The following GPM6A variants were observed in gnomAD, a reference collection of about 807,000 sequenced individuals.
GPM6A encodes the protein glycoprotein M6A.
Under a neutral mutation model 32.1 loss-of-function variants are expected in GPM6A, and 7 were observed. The observed-to-expected ratio is 0.22, with a 90% CI of 0.12 to 0.41. The LOEUF is 0.41. Among genes scored for constraint, GPM6A ranks in the 10% least tolerant of loss-of-function variants. The probability of loss-of-function intolerance (pLI) is 1.00; values close to 1 mark genes in which losing one functional copy is unlikely to be tolerated. For missense variants in GPM6A, 235 were observed against 347.2 expected, an observed-to-expected ratio of 0.68 and a Z score of 2.57; for synonymous variants, 130 against 123.4, an observed-to-expected ratio of 1.05 and a Z score of -0.35.
At chr4:175,946,080 A>G (rs1361207275) in intron 1 of GPM6A, among the ~76,000 whole-genome samples, 1 of 152,184 alleles carries the variant, frequency 6.6e-6, no homozygotes, top group Non-Finnish European at 1.5e-5. Context: ...CTTCACCACT[A>G]TGCAGTATAT....
intron 3 of GPM6A, among the ~76,000 whole-genome samples, chr4:175,657,255 T>C (rs1579349512): frequency 6.6e-6 from 1 of 152,334 alleles, no homozygotes; most frequent in South Asian, 2.1e-4. Flanking sequence ...TTAATAATCC[T>C]GTGATTTTAA....
chr4:175,648,333 A>T (rs1741591853), intron 4 of GPM6A, among the ~76,000 whole-genome samples: 1 of 152,130 alleles, frequency 6.6e-6, no homozygotes. Flanking sequence ...TTAACTCCGG[A>T]ACTTGTACCT....
chr4:175,761,930 G>A lies in GPM6A; in HGVS notation c.37+50261C>T, dbSNP rs563550877. Among the ~76,000 whole-genome samples, 12 of 151,964 alleles carry A rather than the reference G, an allele frequency of 7.9e-5. No individual in the cohort carries two copies. In the East Asian group the frequency reaches 1.6e-3, roughly 20 times the overall value. ...CTGCCTCAGCCTTCCAAGTAGTTAC[G>A]ATTACAGGCATGCACCACCAAACCT... is the stretch of plus-strand genomic sequence containing the variant. On this transcript the variant is annotated intron_variant, in intron 1 of 6. Transcript: ENST00000393658.
At chr4:175,955,224 C>G (rs1469500758) in intron 1 of GPM6A, among the ~76,000 whole-genome samples, 1 of 152,230 alleles carries the variant, frequency 6.6e-6, no homozygotes, top group East Asian at 1.9e-4. Context: ...CCACATACCA[C>G]ACCTGTTACT....
intron 1 of GPM6A, among the ~76,000 whole-genome samples, chr4:175,858,463 A>C (rs1425174704): frequency 6.6e-6 from 1 of 151,142 alleles, no homozygotes; most frequent in African/African-American, 2.4e-5. Flanking sequence ...ACCCAGGAGG[A>C]GGAGGTTGCA....
At chr4:175,724,601 G>T (rs1020122965) in intron 1 of GPM6A, among the ~76,000 whole-genome samples, 22 of 151,992 alleles carry the variant, frequency 1.4e-4, no homozygotes, top group Non-Finnish European at 2.5e-4. Flanking sequence ...ACTTACAGAC[G>T]CTGGGGGTGG....
intron 1 of GPM6A, among the ~76,000 whole-genome samples, chr4:175,878,741 T>C (rs1445551209): frequency 6.6e-6 from 1 of 152,166 alleles, no homozygotes; most frequent in Non-Finnish European, 1.5e-5. Context: ...AACATTTGTC[T>C]CCTCATTACT....
intron 2 of GPM6A, among the ~76,000 whole-genome samples, chr4:175,679,081 T>C (rs1345054531): frequency 2.0e-5 from 3 of 152,148 alleles, no homozygotes; most frequent in Non-Finnish European, 1.5e-5. Flanking sequence ...ATGATGAACT[T>C]TGTGGGATTT....
At chr4:175,999,916 A>G (rs59997249) in intron 1 of GPM6A, among the ~76,000 whole-genome samples, 3,766 of 152,254 alleles carry the variant, frequency 0.025, 145 homozygotes, top group African/African-American at 0.084. Context: ...TTTATTTTTC[A>G]TAAGTAAATT....
intron 4 of GPM6A, among the ~76,000 whole-genome samples, chr4:175,643,296 T>C (rs1741263034): frequency 6.6e-6 from 1 of 152,182 alleles, no homozygotes; most frequent in Non-Finnish European, 1.5e-5. Flanking sequence ...AATGACTCTC[T>C]ACTCCCCTCA....
chr4:175,757,285 G>A (rs1366388203), intron 1 of GPM6A, among the ~76,000 whole-genome samples: 2 of 152,000 alleles, frequency 1.3e-5, no homozygotes, highest in Non-Finnish European at 2.9e-5. Flanking sequence ...CACCAGCCAT[G>A]AGCAGGTGAA....
chr4:175,797,839 G>T (rs1157398976), intron 1 of GPM6A, among the ~76,000 whole-genome samples: 1 of 152,032 alleles, frequency 6.6e-6, no homozygotes, highest in Non-Finnish European at 1.5e-5. Flanking sequence ...CAAATTTTGG[G>T]ATTTCAAATC....
chr4:175,755,177 G>C (rs1406480070), intron 1 of GPM6A, among the ~76,000 whole-genome samples: 1 of 152,008 alleles, frequency 6.6e-6, no homozygotes, highest in African/African-American at 2.4e-5. Context: ...ACAACTGGTT[G>C]TTGTTACAGA....
At chr4:175,792,329 T>C (rs1734044555) in intron 1 of GPM6A, among the ~76,000 whole-genome samples, 1 of 152,208 alleles carries the variant, frequency 6.6e-6, no homozygotes, top group African/African-American at 2.4e-5. Context: ...TATACCATTT[T>C]TATTTTATTC....
At chr4:175,951,875 G>GA (rs1008552193) in intron 1 of GPM6A, among the ~76,000 whole-genome samples, 4 of 151,092 alleles carry the variant, frequency 2.6e-5, no homozygotes, top group East Asian at 1.9e-4. Context: ...GGCCTGAATA[G>GA]AAAAAAAAAG....
At chr4:175,699,792 T>C (rs1268340925) in intron 2 of GPM6A, among the ~76,000 whole-genome samples, 1 of 152,216 alleles carries the variant, frequency 6.6e-6, no homozygotes, top group Non-Finnish European at 1.5e-5. Context: ...CTAAAAATTT[T>C]GCTATGTACT....
At chr4:175,742,480 A>C (rs1211846445) in intron 1 of GPM6A, among the ~76,000 whole-genome samples, 2 of 152,154 alleles carry the variant, frequency 1.3e-5, no homozygotes, top group African/African-American at 2.4e-5. Context: ...TATACTGTTT[A>C]CTTTTTATTA....
chr4:175,915,600 C>T (rs746115919), intron 1 of GPM6A, among the ~76,000 whole-genome samples: 3 of 152,062 alleles, frequency 2.0e-5, no homozygotes, highest in African/African-American at 4.8e-5. Context: ...AGACCAATCA[C>T]CCTGTAGAAA....
chr4:175,733,135 A>G (rs1279800953), intron 1 of GPM6A, among the ~76,000 whole-genome samples: 2 of 152,208 alleles, frequency 1.3e-5, no homozygotes, highest in Non-Finnish European at 2.9e-5. Context: ...TTTTAAAGAC[A>G]GTCCTTGTGA....
Sources: gnomAD v4.1 joint callset for allele counts (sites outside exome capture counted in the v4.1 genomes callset) on GRCh38, gnomAD v4.1.1 for gene constraint, MANE v1.5 for transcripts, NCBI Gene and HGNC (gene_info 2026-07-23, HGNC 2026-07-21) for gene names.